SLC16A14: variants seen among roughly 807,000 people sequenced by gnomAD.
SLC16A14 encodes the protein monocarboxylate transporter 14.
SLC16A14 carries 14 observed loss-of-function variants against 35.8 expected under a neutral mutation model. The ratio of observed to expected loss-of-function variants is 0.39; its 90% confidence interval spans 0.26 to 0.61. The LOEUF (loss-of-function observed/expected upper bound fraction) is 0.61. Ranked by LOEUF, SLC16A14 falls within the 20% of genes least tolerant of loss-of-function variation. The pLI, the probability that SLC16A14 is intolerant of heterozygous loss-of-function variation, is 0.51. For missense variants in SLC16A14, 533 were observed against 655.0 expected (o/e 0.81, Z 2.03); for synonymous variants, 248 against 258.9 (o/e 0.96, Z 0.40).
chr2:230,049,493 T>C (rs1038267665), intron 3 of SLC16A14, among the ~76,000 whole-genome samples: 3 of 152,212 alleles, frequency 2.0e-5, no homozygotes, highest in African/African-American at 7.2e-5. Context: ...GAGATAGCAT[T>C]GGCATTTAGA....
intron 2 of SLC16A14, among the ~76,000 whole-genome samples, chr2:230,055,799 TG>T (rs1380134035): frequency 6.6e-6 from 1 of 152,228 alleles, no homozygotes; most frequent in Non-Finnish European, 1.5e-5. Flanking sequence ...TTGATGTTAC[TG>T]CGTGCATACA....
Position 230,037,435 on chromosome 2 carries a change from C to A in SLC16A14, c.1478G>T (p.Cys493Phe), listed in dbSNP as rs1259134548. 2 of 1,612,720 alleles carry A rather than the reference C, an allele frequency of 1.2e-6. No homozygotes were observed. The highest frequency in any genetic ancestry group is 8.5e-7 in the Non-Finnish European group (1 of 1,179,684). Residue 493 changes from cysteine to phenylalanine, a missense_variant, in exon 5 of 5, where the codon TGC becomes TTC. Transcript: ENST00000295190. ...TCTGGATTGTTCTATAATTCGAATG[C>A]ACGGCTGAATAAGTAAAAAGAGTAT... ...IGILFLLIQPCIRIIEQSRRK... is the reference protein window; with the variant it reads ...IGILFLLIQPFIRIIEQSRRK...
intron 1 of SLC16A14, chr2:230,067,084 G>A (rs2077803634): frequency 6.0e-6 from 1 of 167,002 alleles, no homozygotes; most frequent in Non-Finnish European, 1.3e-5. Flanking sequence ...CCACGCAGGT[G>A]AGTGCGGGCT....
chr2:230,067,571 T>TCTCTCTCTCTCTCACA (rs1269765776), intron 1 of SLC16A14, among the ~76,000 whole-genome samples: 2 of 143,832 alleles, frequency 1.4e-5, no homozygotes, highest in African/African-American at 5.5e-5. Flanking sequence ...TCTCTCTCTC[T>TCTCTCTCTCTCTCACA]CACACACACA....
rs750945291 is a variant in SLC16A14, at chr2:230,045,910, C to T, written c.1216G>A (p.Ala406Thr). The T allele has an allele frequency of 1.9e-6, 3 of 1,612,178 alleles. No homozygotes were observed. The highest frequency in any genetic ancestry group is 1.7e-6 in the Non-Finnish European group (2 of 1,178,402). ...AGCGCACAGATGACCGCCAGGCCAG[C>T]GTACGTGTGCATCAACGGCAGAATA... ...IFILPLMHTY[A>T]GLAVICALIG... Residue 406 changes from alanine (A) to threonine (T), a missense_variant, in exon 4 of 5, where the codon GCT becomes ACT. Physicochemically the swap from Ala to Thr is moderately conservative, Grantham distance 58. Coordinates refer to ENST00000295190, the MANE Select transcript of SLC16A14 (RefSeq NM_152527.5).
At chr2:230,045,696 G>C in intron 4 of SLC16A14, 49 bp downstream of exon 4, 1 of 1,603,870 alleles carries the variant, frequency 6.2e-7, no homozygotes, top group Non-Finnish European at 8.5e-7. Context: ...ATAACATAAC[G>C]CACCATATGT....
Position 230,046,654 on chromosome 2 carries a change from C to T in SLC16A14, c.472G>A (p.Ala158Thr), listed in dbSNP as rs1293894067. The change falls in exon 4 of 5, where the codon GCC becomes ACC. Residue 158 changes from alanine to threonine, a missense_variant. Transcript: ENST00000295190. This position sits in a 1 kb window ranked among gnomAD's most constrained non-coding sequence, Gnocchi z 5.0. ...GTGGTGCTGAGGCCCTGGGCGAGGG[C>T]GCGTCTCTTCTGGAAATACCTGCCC... ...MVGRYFQKRR[A>T]LAQGLSTTGT... is the part of the protein sequence containing the mutation. 2 of 1,606,234 alleles carry T rather than the reference C, an allele frequency of 1.2e-6. No homozygotes were observed. Among genetic ancestry groups the T allele is most frequent in the Non-Finnish European group, 8.5e-7 (1 of 1,180,002 alleles).
chr2:230,051,301 AG>A lies in SLC16A14; in HGVS notation c.260-1398del, dbSNP rs570078970. ...CTCAGCCTCCTAAGTAGCTGGGCCT[AG>A]AGGCTTGTGCTATCATGTCCTGCTA... On this transcript the variant is annotated intron_variant, in intron 2 of 4. Coordinates refer to ENST00000295190, the MANE Select transcript of SLC16A14 (RefSeq NM_152527.5). Among the ~76,000 whole-genome samples, 1,072 of 152,234 alleles carry A rather than the reference AG, an allele frequency of 7.0e-3. 10 individuals are homozygous for A. The highest frequency in any genetic ancestry group is 0.014 in the Middle Eastern group (4 of 294).
chr2:230,050,430 A>G lies in SLC16A14; in HGVS notation c.260-526T>C, dbSNP rs369642139. ...TCTTAAACCTGGCCTCAATTACATT[A>G]TTTCTTTGGCTTCTTTCCAAATAGA... On this transcript the variant is annotated intron_variant, in intron 2 of 4. Coordinates refer to ENST00000295190, the MANE Select transcript of SLC16A14 (RefSeq NM_152527.5). Among the ~76,000 whole-genome samples, 45 of 152,322 alleles carry G rather than the reference A, an allele frequency of 3.0e-4. No individual in the cohort carries two copies. The East Asian group carries it at 7.5e-3, about 25-fold the overall frequency.
At chr2:230,048,923 C>CAAAAAA (rs748042264) in intron 3 of SLC16A14, among the ~76,000 whole-genome samples, 1 of 15,236 alleles carries the variant, frequency 6.6e-5, no homozygotes, top group Non-Finnish European at 1.2e-4. Flanking sequence ...AACTCCATCT[C>CAAAAAA]AAAAAAAAAA....
chr2:230,045,044 C>T (rs1418165773), intron 4 of SLC16A14, among the ~76,000 whole-genome samples: 1 of 152,026 alleles, frequency 6.6e-6, no homozygotes, highest in African/African-American at 2.4e-5. Flanking sequence ...TCTTAGCTTC[C>T]CTTGGGGGGA....
intron 1 of SLC16A14, among the ~76,000 whole-genome samples, chr2:230,064,653 A>G (rs1308714761): frequency 2.0e-5 from 3 of 152,194 alleles, no homozygotes; most frequent in Non-Finnish European, 4.4e-5. Flanking sequence ...ACAACAATAC[A>G]TGGCATTTTC....
At chr2:230,043,032 A>G (rs78905570) in intron 4 of SLC16A14, among the ~76,000 whole-genome samples, 7,555 of 152,284 alleles carry the variant, frequency 0.05, 249 homozygotes, top group Admixed American at 0.091. Context: ...TTAAACTATC[A>G]TTGTCAGGAT....
chr2:230,053,919 GT>G (rs2077682454), intron 2 of SLC16A14, among the ~76,000 whole-genome samples: 1 of 152,174 alleles, frequency 6.6e-6, no homozygotes, highest in South Asian at 2.1e-4. Flanking sequence ...CTCAGGGATG[GT>G]TACAGATGCT....
At chr2:230,056,792 C>T (rs2077708617) in intron 2 of SLC16A14, among the ~76,000 whole-genome samples, 1 of 151,002 alleles carries the variant, frequency 6.6e-6, no homozygotes, top group Admixed American at 6.6e-5. Context: ...ATCGCTTGAG[C>T]CCAGGTGTTC....
At chr2:230,060,585 C>T (rs1186020677) in intron 1 of SLC16A14, among the ~76,000 whole-genome samples, 3 of 152,068 alleles carry the variant, frequency 2.0e-5, no homozygotes, top group Admixed American at 6.6e-5. Context: ...TGGTCTTGAA[C>T]TCCTGGCTTC....
chr2:230,065,532 G>C (rs923440651), intron 1 of SLC16A14, among the ~76,000 whole-genome samples: 1 of 152,198 alleles, frequency 6.6e-6, no homozygotes, highest in Admixed American at 6.5e-5. Context: ...TGGGATTACA[G>C]GCGTGAGCCA....
intron 1 of SLC16A14, among the ~76,000 whole-genome samples, chr2:230,063,398 C>T (rs1299327073): frequency 6.6e-6 from 1 of 151,672 alleles, no homozygotes; most frequent in Non-Finnish European, 1.5e-5. Context: ...ATTTTCTCTC[C>T]TTCCCCTCCT....
chr2:230,061,469 C>T (rs149521341), intron 1 of SLC16A14, among the ~76,000 whole-genome samples: 1 of 152,206 alleles, frequency 6.6e-6, no homozygotes, highest in Admixed American at 6.5e-5. Flanking sequence ...AAAACAATAC[C>T]CACTTGGCAA....
Sources: allele counts gnomAD v4.1 joint callset (sites outside exome capture counted in the v4.1 genomes callset), GRCh38; gene constraint gnomAD v4.1.1; non-coding constraint Gnocchi (gnomAD v3.1); transcripts MANE v1.5; gene names NCBI Gene and HGNC (gene_info 2026-07-23, HGNC 2026-07-21).